The following PODN variants were observed in gnomAD, a reference collection of about 807,000 sequenced individuals.
PODN encodes podocan proteoglycan.
In PODN, 40 loss-of-function variants were observed where a neutral mutation model predicts 52.7. That is an observed-to-expected ratio of 0.76 (90% CI 0.59 to 0.99). The LOEUF (loss-of-function observed/expected upper bound fraction) is 0.99. Among genes scored for constraint, PODN ranks in the 50% least tolerant of loss-of-function variants. The pLI is 0.00. For missense variants in PODN, 720 were observed against 815.1 expected, an observed-to-expected ratio of 0.88 and a Z score of 1.42; for synonymous variants, 396 against 377.9, an observed-to-expected ratio of 1.05 and a Z score of -0.56.
intron 7 of PODN, 22 bp from the exon 8 acceptor site, chr1:53,078,343 C>A (rs767405833): frequency 6.3e-7 from 1 of 1,599,794 alleles, no homozygotes; most frequent in Non-Finnish European, 8.5e-7. Flanking sequence ...TGCCAACCGT[C>A]CTAATTCCCT....
At chr1:53,070,246 A>C (rs2275454) in intron 2 of PODN, 79 bp downstream of exon 2, 78,832 of 1,572,048 alleles carry the variant, frequency 0.05, 2,616 homozygotes, top group East Asian at 0.2. Flanking sequence ...CTGACACTCC[A>C]AGCAAACTGT....
intron 1 of PODN, chr1:53,063,293 G>C (rs1051689882): frequency 1.1e-6 from 1 of 927,384 alleles, no homozygotes; most frequent in Admixed American, 6.2e-5. Context: ...GAGCTGGTCC[G>C]GGAGGCGCGG....
At chr1:53,077,655 C>A in intron 6 of PODN, 30 bp from the exon 7 acceptor site, 2 of 1,587,984 alleles carry the variant, frequency 1.3e-6, no homozygotes, top group Non-Finnish European at 1.7e-6. Context: ...CCCTCCCTCA[C>A]AATCTCCTCC....
Position 53,082,207 on chromosome 1 carries a change from G to C in PODN, c.*27+19G>C. 2.0e-6 allele frequency: 3 copies of C among 1,518,522 alleles called. No individual in the cohort carries two copies. The highest frequency in any genetic ancestry group is 2.6e-6 in the Non-Finnish European group (3 of 1,132,862). The allele number at this position is 1,518,522 out of a possible 1,614,324, so 94.1% of individuals were successfully genotyped here. The stretch of plus-strand genomic sequence containing the variant: ...GACCTAGGTATGTGGCCTGTATGGG[G>C]CAGCACTCACTTCTGCTCCCTGCAT... On this transcript the variant is annotated intron_variant, in intron 10 of 10. Coordinates refer to ENST00000312553, the MANE Select transcript of PODN (RefSeq NM_153703.5).
At chr1:53,070,353 T>C (rs2275456) in intron 2 of PODN, among the ~76,000 whole-genome samples, 186 bp downstream of exon 2, 7,361 of 152,212 alleles carry the variant, frequency 0.048, 271 homozygotes, top group East Asian at 0.19. Context: ...CAGGTGACAC[T>C]CTCCTGATGT....
rs1644163903 is a variant in PODN, at chr1:53,074,461, GC to G, written c.407-139del. 4 of 836,690 alleles carry G rather than the reference GC, an allele frequency of 4.8e-6. No individual in the cohort carries two copies. In the South Asian group the frequency reaches 5.9e-5, roughly 12 times the overall value. The allele number at this position is 836,690 out of a possible 1,614,324, so 51.8% of individuals were successfully genotyped here. Reference sequence around the variant, plus strand: ...AAGGAGAAAGAACAGGGCTGGGCAGGCCCCCCAACTGCTTGGGAGGGGATCT... The same window carrying G: ...AAGGAGAAAGAACAGGGCTGGGCAGGCCCCCAACTGCTTGGGAGGGGATCT... On this transcript the variant is annotated intron_variant, in intron 3 of 10. Coordinates refer to ENST00000312553, the MANE Select transcript of PODN (RefSeq NM_153703.5).
intron 9 of PODN, 22 bp from the exon 10 acceptor site, chr1:53,081,959 G>T: frequency 6.4e-7 from 1 of 1,573,448 alleles, no homozygotes; most frequent in South Asian, 1.2e-5. Flanking sequence ...TCCTGGCATT[G>T]ACTGCCTCGA....
chr1:53,080,083 G>T (rs962740170), intron 8 of PODN, among the ~76,000 whole-genome samples: 5 of 151,992 alleles, frequency 3.3e-5, no homozygotes, highest in African/African-American at 1.2e-4. Flanking sequence ...CTGCCCAGTG[G>T]CTTCAGCGGC....
rs760175778 is a variant in PODN at position 53,069,919 on chromosome 1, G to A, written c.64G>A (p.Val22Met). The A allele has an allele frequency of 8.3e-6, 13 of 1,575,318 alleles. No homozygotes were observed. The East Asian group carries it at 2.8e-4, about 34-fold the overall frequency. ...LLPPQLHLGP[V>M]LAVRAPGFGR... ...GCCGCCACAGCTGCACCTGGGACCT[G>A]TGCTTGCCGTGAGGGCCCCAGGATT... Residue 22 changes from valine to methionine, a missense_variant, in exon 2 of 11, where the codon GTG becomes ATG. Val to Met is a conservative substitution (Grantham distance 21). Coordinates refer to ENST00000312553, the MANE Select transcript of PODN (RefSeq NM_153703.5).
intron 8 of PODN, among the ~76,000 whole-genome samples, chr1:53,079,887 G>C (rs554344364): frequency 6.6e-6 from 1 of 151,866 alleles, no homozygotes; most frequent in African/African-American, 2.4e-5. Context: ...TCTCACCCTG[G>C]GGGGCTGAGG....
chr1:53,075,980 T>A lies in PODN; in HGVS notation c.581+9T>A, dbSNP rs1199772436. The A allele has an allele frequency of 3.2e-6, 5 of 1,566,488 alleles. No homozygotes were observed. In the East Asian group the frequency reaches 1.2e-4, roughly 36 times the overall value. ...CAGAAGCCAAACTTGAGGTCAGAGG[T>A]CGGGGGTGGTCAGGGCTCGGGCTGG... On this transcript the variant is annotated intron_variant, in intron 5 of 10. Coordinates refer to ENST00000312553, the MANE Select transcript of PODN (RefSeq NM_153703.5).
chr1:53,084,431 T>A (rs1188758958), intron 10 of PODN, 82 bp from the exon 11 acceptor site: 1 of 151,932 alleles, frequency 6.6e-6, no homozygotes, highest in African/African-American at 2.4e-5. Flanking sequence ...CCAGCAGGGC[T>A]CCCCACAGCA....
rs760701986 is a variant in PODN, at chr1:53,078,601, TG to T, written c.1092del (p.His365ThrfsTer22). Reference protein sequence around the residue: ...AFQGLKRLHTVHLYNNALERV... With the variant: ...AFQGLKRLHTXHLYNNALERV... ...CAGGGCCTCAAGCGGTTGCACACGG[TG>T]CACCTGTACAACAACGCGCTGGAGC... On this transcript the variant is annotated frameshift_variant, in exon 8 of 11. Coordinates refer to ENST00000312553, the MANE Select transcript of PODN (RefSeq NM_153703.5). LOFTEE classifies it high-confidence loss of function. The T allele has an allele frequency of 1.2e-6, 2 of 1,613,068 alleles. No homozygotes were observed. Among genetic ancestry groups the T allele is most frequent in the Non-Finnish European group, 1.7e-6 (2 of 1,180,012 alleles).
At chr1:53,083,011 C>T (rs557952566) in intron 10 of PODN, among the ~76,000 whole-genome samples, 1 of 152,316 alleles carries the variant, frequency 6.6e-6, no homozygotes, top group African/African-American at 2.4e-5. Context: ...TTGGCTGTGT[C>T]AGTGCTGCTG....
At chr1:53,063,624 T>G in intron 1 of PODN, 10 of 971,572 alleles carry the variant, frequency 1.0e-5, no homozygotes, top group Non-Finnish European at 1.2e-5. Context: ...CTCTGGGGGT[T>G]CTGCTCCCTC....
chr1:53,078,796 T>A lies in PODN; in HGVS notation c.1286T>A (p.Leu429Gln), dbSNP rs1447186561. 6.2e-7 allele frequency: 1 copy of A among 1,612,970 alleles called. No individual in the cohort carries two copies. Among genetic ancestry groups the A allele is most frequent in the Non-Finnish European group, 8.5e-7 (1 of 1,179,880 alleles). The part of the protein sequence containing the change: ...PQVHRDAFRK[L>Q]RLLRSLDLSG... Reference sequence around the variant, plus strand: ...GTGCACCGCGACGCCTTCCGCAAGCTGCGCCTGCTGCGCTCGCTGGACCTG... The same window carrying A: ...GTGCACCGCGACGCCTTCCGCAAGCAGCGCCTGCTGCGCTCGCTGGACCTG... Residue 429 changes from leucine (L) to glutamine (Q), a missense_variant, in exon 8 of 11, where the codon CTG (leucine) becomes CAG (glutamine). By Grantham distance (113) the Leu-to-Gln change is moderately radical. Transcript: ENST00000312553.
At position 53,078,467 on chromosome 1, in the gene PODN, C is replaced by T. The variant is rs201267220; in HGVS notation, c.957C>T (p.Asn319=). The change falls in exon 8 of 11, where the codon AAC becomes AAT. Residue 319 remains asparagine, a synonymous_variant. Coordinates refer to ENST00000312553, the MANE Select transcript of PODN (RefSeq NM_153703.5). ...RSLVLLHLEK[N]AIRSVDANVL... ...TGGTGCTGCTGCACTTGGAGAAGAA[C>T]GCCATCCGGAGCGTGGACGCGAATG... 1.2e-5 allele frequency: 20 copies of T among 1,613,420 alleles called. No individual in the cohort carries two copies. Among genetic ancestry groups the T allele is most frequent in the African/African-American group, 6.7e-5 (5 of 75,070 alleles).
chr1:53,080,588 G>A, intron 8 of PODN, 140 bp from the exon 9 acceptor site: 1 of 848,678 alleles, frequency 1.2e-6, no homozygotes, highest in Non-Finnish European at 1.8e-6. Flanking sequence ...CTGGGAAGTG[G>A]GGATAATTAT....
In PODN at chr1:53,077,787, A is replaced by C. The variant is rs1364224974; in HGVS notation, c.841A>C (p.Asn281His). The stretch of plus-strand genomic sequence containing the variant: ...CTACCTGACTGACGAGGGCCTGGAC[A>C]ACGAGACCTTCTGGTGAGTCCTTGT... ...NNYLTDEGLD[N>H]ETFWKLSSLE... Residue 281 changes from asparagine (N) to histidine (H), a missense_variant, in exon 7 of 11, where the codon AAC becomes CAC. Coordinates refer to ENST00000312553, the MANE Select transcript of PODN (RefSeq NM_153703.5). The C allele has an allele frequency of 6.2e-7, 1 of 1,613,418 alleles. No individual in the cohort carries two copies. The highest frequency in any genetic ancestry group is 2.2e-5 in the East Asian group (1 of 44,880).
Sources: gnomAD v4.1 joint callset for allele counts (sites outside exome capture counted in the v4.1 genomes callset) on GRCh38, gnomAD v4.1.1 for gene constraint, MANE v1.5 for transcripts, NCBI Gene and HGNC (gene_info 2026-07-23, HGNC 2026-07-21) for gene names.